The following TUBB8 variants were observed in gnomAD, a reference collection of about 807,000 sequenced individuals.
The protein encoded by TUBB8 is tubulin beta-8 chain.
TUBB8 carries 25 observed loss-of-function variants against 33.7 expected under a neutral mutation model. That is an observed-to-expected ratio of 0.74 (90% CI 0.54 to 1.04). The LOEUF (loss-of-function observed/expected upper bound fraction) is 1.04. TUBB8 is among the 50% of genes least tolerant of loss of function. TUBB8 has a pLI of 0.00. For synonymous variants in TUBB8, 245 were observed against 240.1 expected, an observed-to-expected ratio of 1.02 and a Z score of -0.19; for missense variants, 279 against 608.0, an observed-to-expected ratio of 0.46 and a Z score of 5.69.
intron 1 of TUBB8, among the ~76,000 whole-genome samples, chr10:59,861 G>A (rs1476718702): frequency 6.6e-6 from 1 of 152,204 alleles, no homozygotes; most frequent in Non-Finnish European, 1.5e-5. Context: ...CTCTTGGTAA[G>A]TTGTGTGTGT....
At chr10:48,489 C>A in intron 3 of TUBB8, 126 bp downstream of exon 3, 1 of 927,112 alleles carries the variant, frequency 1.1e-6, no homozygotes, top group South Asian at 1.4e-5. Context: ...AGCGACTCGA[C>A]TCGGAGGATA....
At chr10:67,832 C>T (rs1554741825) in intron 1 of TUBB8, among the ~76,000 whole-genome samples, 2 of 152,182 alleles carry the variant, frequency 1.3e-5, no homozygotes, top group African/African-American at 4.8e-5. Flanking sequence ...AATGCAGTGC[C>T]ACAATCCTAG....
At chr10:49,610 C>T, upstream of TUBB8, 1 of 509,666 alleles carries the variant, frequency 2.0e-6, no homozygotes, top group South Asian at 1.5e-5. Flanking sequence ...TGCCTTTGCA[C>T]CTGTCCTAGA....
intron 1 of TUBB8, among the ~76,000 whole-genome samples, chr10:66,253 A>G (rs1291629692): frequency 1.2e-4 from 18 of 152,248 alleles, no homozygotes; most frequent in African/African-American, 4.3e-4. Flanking sequence ...CAAACCCCCA[A>G]AATATTATTA....
chr10:67,708 A>G (rs1282308350), intron 1 of TUBB8, among the ~76,000 whole-genome samples: 1 of 152,246 alleles, frequency 6.6e-6, no homozygotes, highest in Non-Finnish European at 1.5e-5. Flanking sequence ...TACAGGCGTG[A>G]GCCACCATGC....
At chr10:61,690 G>T (rs1554740876) in intron 1 of TUBB8, among the ~76,000 whole-genome samples, 1 of 152,208 alleles carries the variant, frequency 6.6e-6, no homozygotes, top group African/African-American at 2.4e-5. Context: ...AATGACTAAA[G>T]TAGGGTGTCG....
chr10:63,869 C>A (rs1554741216), intron 1 of TUBB8, among the ~76,000 whole-genome samples: 1 of 152,028 alleles, frequency 6.6e-6, no homozygotes, highest in Admixed American at 6.5e-5. Flanking sequence ...TATATCTGGG[C>A]ATTGAAGAGG....
chr10:47,171 T>C lies in TUBB8; in HGVS notation c.1221A>G (p.Glu407=), dbSNP rs1296627176. The C allele has an allele frequency of 1.6e-5, 26 of 1,606,684 alleles. No individual in the cohort carries two copies. Among genetic ancestry groups the C allele is most frequent in the Non-Finnish European group, 2.2e-5 (26 of 1,175,512 alleles). ...TCATGTTGCTCTCGGCCTCGGTGAA[T>C]TCCATCTCATCCATGCCCTCGCCCG... The part of the protein sequence containing the change: ...WYTGEGMDEM[E]FTEAESNMND... The change falls in exon 4 of 4, where the codon GAA becomes GAG. Residue 407 remains glutamate (E), a synonymous_variant. Transcript: ENST00000568584.
At chr10:48,566 G>C (rs1349359638) in intron 3 of TUBB8, 49 bp downstream of exon 3, 2 of 1,510,380 alleles carry the variant, frequency 1.3e-6, no homozygotes, top group African/African-American at 1.4e-5. Context: ...CCTGGATTTT[G>C]AGCTGCCCTG....
rs1834431615 is a variant in TUBB8, at chr10:49,277, AG to A, written c.-40del. 1.9e-6 allele frequency: 3 copies of A among 1,566,396 alleles called. No homozygotes were observed. In the South Asian group the frequency reaches 3.5e-5, roughly 18 times the overall value. On this transcript the variant is annotated 5_prime_UTR_variant, in exon 1 of 4. Transcript: ENST00000568584. ...TTAGGACGGCAGGAGAAACGTGAGA[AG>A]GAGGAGCAGACGCGCAGCGACCCAG... is the stretch of plus-strand genomic sequence containing the variant.
At chr10:59,846 G>A (rs1463255025) in intron 1 of TUBB8, among the ~76,000 whole-genome samples, 1 of 152,130 alleles carries the variant, frequency 6.6e-6, no homozygotes, top group African/African-American at 2.4e-5. Context: ...TTTTTTCCTA[G>A]TTCACTCTTG....
In TUBB8 at chr10:47,392, G is replaced by T. The variant is rs781946424; in HGVS notation, c.1000C>A (p.Gln334Lys). Residue 334 changes from glutamine to lysine, a missense_variant, in exon 4 of 4, where the codon CAA becomes AAA. Around this residue, in one of 4 missense-constraint regions of TUBB8, gnomAD observed 123 missense variants for 228.9 expected, o/e 0.54. Transcript: ENST00000568584. ...GCAAAGTAACTGCTGTTCTTATCTT[G>T]AATGTTGAACATTTGTTCATCCACC... The part of the protein sequence containing the change: ...REVDEQMFNI[Q>K]DKNSSYFADW... 6.2e-7 allele frequency: 1 copy of T among 1,612,672 alleles called. No individual in the cohort carries two copies. Among genetic ancestry groups the T allele is most frequent in the Non-Finnish European group, 8.5e-7 (1 of 1,179,946 alleles).
chr10:63,994 A>G (rs1428606534), intron 1 of TUBB8, among the ~76,000 whole-genome samples: 1 of 152,210 alleles, frequency 6.6e-6, no homozygotes, highest in African/African-American at 2.4e-5. Flanking sequence ...AGTAGCAAAC[A>G]CGTAAAGGTA....
At chr10:51,462 C>T (rs1354563332), upstream of TUBB8, among the ~76,000 whole-genome samples, 10 of 152,218 alleles carry the variant, frequency 6.6e-5, no homozygotes, top group Non-Finnish European at 1.0e-4. Flanking sequence ...AACTTTGTTC[C>T]TCACCTGCCT....
chr10:60,340 T>C (rs1166644844), intron 1 of TUBB8, among the ~76,000 whole-genome samples: 2 of 151,734 alleles, frequency 1.3e-5, no homozygotes, highest in African/African-American at 4.8e-5. Flanking sequence ...GACAAAGGGC[T>C]AATATCCAGA....
At chr10:51,645 A>G (rs1478399903), upstream of TUBB8, among the ~76,000 whole-genome samples, 1 of 152,214 alleles carries the variant, frequency 6.6e-6, no homozygotes, top group Admixed American at 6.5e-5. Context: ...ACAGCTAAGT[A>G]GCTGGGTTTA....
In TUBB8 at chr10:47,600, A is replaced by G. The variant is rs782578819; in HGVS notation, c.792T>C (p.His264=). 6.2e-6 allele frequency: 10 copies of G among 1,611,202 alleles called. No individual in the cohort carries two copies. The South Asian group carries it at 9.9e-5, about 16-fold the overall frequency. The change falls in exon 4 of 4, where the codon CAT becomes CAC. Residue 264 remains histidine, a synonymous_variant. Coordinates refer to ENST00000568584, the MANE Select transcript of TUBB8 (RefSeq NM_177987.3). The part of the protein sequence containing the change: ...AVNMVPFPRL[H]FFMPGFAPLT... ...GTGGGGCAAAGCCGGGCATGAAGAA[A>G]TGCAGCCGGGGAAACGGGACCATGT...
chr10:69,520 AAAT>A (rs1834710299), intron 1 of TUBB8, among the ~76,000 whole-genome samples: 1 of 152,328 alleles, frequency 6.6e-6, no homozygotes, highest in East Asian at 1.9e-4. Context: ...TAGATCAAGG[AAAT>A]AATAGTTTAA....
rs1340088110 is a variant in TUBB8 at position 49,220 on chromosome 10, T to A, written c.19A>T (p.Thr7Ser). ...TGATTCCCGCACTGCCCGATCTGCGTGAGCACGATCTCCCTCATGGCCAAG... is the reference window on the plus strand; with the variant it reads ...TGATTCCCGCACTGCCCGATCTGCGAGAGCACGATCTCCCTCATGGCCAAG... MREIVL[T>S]QIGQCGNQIG... Residue 7 changes from threonine (T) to serine (S), a missense_variant, in exon 1 of 4, where the codon ACG becomes TCG. Physicochemically the swap from Thr to Ser is moderately conservative, Grantham distance 58 (BLOSUM62 1). Coordinates refer to ENST00000568584, the MANE Select transcript of TUBB8 (RefSeq NM_177987.3). 1 of 1,585,154 alleles carries A rather than the reference T, an allele frequency of 6.3e-7. No individual in the cohort carries two copies. Among genetic ancestry groups the A allele is most frequent in the Non-Finnish European group, 8.6e-7 (1 of 1,166,340 alleles).
Sources: allele counts gnomAD v4.1 joint callset (sites outside exome capture counted in the v4.1 genomes callset), GRCh38; gene constraint gnomAD v4.1.1; regional missense constraint gnomAD v4.1.1; transcripts MANE v1.5; gene names NCBI Gene and HGNC (gene_info 2026-07-23, HGNC 2026-07-21).